GRIP2: variants seen among roughly 807,000 people sequenced by gnomAD.
GRIP2 encodes glutamate receptor interacting protein 2, also known as glutamate receptor-interacting protein 2.
GRIP2 carries 58 observed loss-of-function variants against 108.3 expected under a neutral mutation model. That is an observed-to-expected ratio of 0.54 (90% CI 0.43 to 0.67). The LOEUF (loss-of-function observed/expected upper bound fraction) is 0.67. GRIP2 is among the 30% of genes least tolerant of loss of function. The probability of loss-of-function intolerance (pLI) is 0.00; values close to 1 mark genes in which losing one functional copy is unlikely to be tolerated. For missense variants in GRIP2, 1,278 were observed against 1,430.6 expected (o/e 0.89, Z 1.72); for synonymous variants, 586 against 598.2 (o/e 0.98, Z 0.30).
chr3:14,521,228 G>T lies in GRIP2; in HGVS notation c.712+414C>A. ...TCAGGGCCTTTGCACTTACTCTTCC[G>T]CCCTCCTGGAATGCTGTCCCTGGAC... On this transcript the variant is annotated intron_variant, in intron 7 of 23. Transcript: ENST00000621039. This position sits in a 1 kb window ranked among gnomAD's most constrained non-coding sequence, Gnocchi z 5.1. The T allele has an allele frequency of 6.0e-6, 1 of 166,402 alleles. No homozygotes were observed. Among genetic ancestry groups the T allele is most frequent in the Admixed American group, 6.2e-5 (1 of 16,172 alleles). The allele number at this position is 166,402 out of a possible 1,614,324, so 10.3% of individuals were successfully genotyped here. A position where few individuals can be genotyped will look rare whatever the true frequency, so the allele number is the denominator to read the frequency against.
upstream of GRIP2, among the ~76,000 whole-genome samples, chr3:14,560,332 A>T (rs554528376): frequency 4.3e-4 from 66 of 152,292 alleles, no homozygotes; most frequent in African/African-American, 1.5e-3. Context: ...TTCTCTGCCC[A>T]TGTGCAGTCC....
At chr3:14,569,377 G>A in the GRIP2 span, among the ~76,000 whole-genome samples, 1 of 152,232 alleles carries the variant, frequency 6.6e-6, no homozygotes, top group Non-Finnish European at 1.5e-5. Context: ...GGCCAGGAGA[G>A]AGGGCACATT....
Position 14,521,866 on chromosome 3 carries a change from G to A in GRIP2, c.567-79C>T. On this transcript the variant is annotated intron_variant, in intron 6 of 23. Transcript: ENST00000621039. The surrounding 1 kb of genome is among the most constrained non-coding windows in gnomAD (Gnocchi z 5.1). ...CTGTCTGGGAGGGCGCTGGGAAGCG[G>A]GACATGGAGGATGAAGAAGCAGGGA... The A allele has an allele frequency of 7.4e-7, 1 of 1,354,312 alleles. No individual in the cohort carries two copies. The highest frequency in any genetic ancestry group is 1.5e-5 in the South Asian group (1 of 64,664). The allele number at this position is 1,354,312 out of a possible 1,614,324, so 83.9% of individuals were successfully genotyped here.
chr3:14,573,751 C>T, the GRIP2 span: 1 of 1,511,228 alleles, frequency 6.6e-7, no homozygotes, highest in Non-Finnish European at 9.2e-7. Context: ...GAGGGCTCAT[C>T]ATATACCCTG....
intron 1 of GRIP2, among the ~76,000 whole-genome samples, chr3:14,532,178 C>A (rs1694724884): frequency 6.6e-6 from 1 of 152,220 alleles, no homozygotes; most frequent in Admixed American, 6.5e-5. Context: ...CAGCGGCCCA[C>A]GCGCCCTCCC....
At chr3:14,572,899 A>C in the GRIP2 span, 6 of 1,269,852 alleles carry the variant, frequency 4.7e-6, no homozygotes, top group South Asian at 5.9e-5. Context: ...TTATCAGTGA[A>C]GGGGATGCAG....
intron 21 of GRIP2, 49 bp from the exon 22 acceptor site, chr3:14,496,609 C>A: frequency 6.4e-7 from 1 of 1,564,006 alleles, no homozygotes; most frequent in South Asian, 1.2e-5. Flanking sequence ...CTTGCCCCAT[C>A]AGGCAGTCAG....
At chr3:14,571,842 C>T in the GRIP2 span, among the ~76,000 whole-genome samples, 1 of 152,018 alleles carries the variant, frequency 6.6e-6, no homozygotes, top group African/African-American at 2.4e-5. Flanking sequence ...GTTGAGAATC[C>T]CCTGGGAAGC....
chr3:14,523,711 G>A lies in GRIP2; in HGVS notation c.404-13C>T, dbSNP rs1260289216. On this transcript the variant is annotated splice_polypyrimidine_tract_variant and intron_variant, in intron 4 of 23. Transcript: ENST00000621039. ...TTATTCTCAGGAGCTGGGGAGAAAT[G>A]GAGGACTCCTTTGAGTCCCTCAGTC... 3 of 1,589,444 alleles carry A rather than the reference G, an allele frequency of 1.9e-6. No homozygotes were observed. The African/African-American group carries it at 4.0e-5, about 21-fold the overall frequency.
At chr3:14,576,480 G>A in the GRIP2 span, among the ~76,000 whole-genome samples, 2 of 152,250 alleles carry the variant, frequency 1.3e-5, no homozygotes, top group Admixed American at 6.5e-5. Context: ...CAGTGAGCAA[G>A]GAGGGCGGGG....
At chr3:14,537,613 G>A (rs928307947) in intron 1 of GRIP2, among the ~76,000 whole-genome samples, 6 of 152,260 alleles carry the variant, frequency 3.9e-5, no homozygotes, top group African/African-American at 1.4e-4. Context: ...ACTAGGAAGA[G>A]ACAGAGCCAG....
the GRIP2 span, among the ~76,000 whole-genome samples, chr3:14,571,218 G>C: frequency 1.3e-5 from 2 of 152,300 alleles, no homozygotes; most frequent in African/African-American, 4.8e-5. Flanking sequence ...GTGTGTCTGT[G>C]TGTGCCTGGG....
chr3:14,589,530 C>T, the GRIP2 span, among the ~76,000 whole-genome samples: 3 of 152,110 alleles, frequency 2.0e-5, no homozygotes, highest in African/African-American at 7.2e-5. Context: ...CCCCTATAGA[C>T]AGTTGGTTTA....
At chr3:14,575,809 G>A in the GRIP2 span, among the ~76,000 whole-genome samples, 1 of 152,376 alleles carries the variant, frequency 6.6e-6, no homozygotes, top group South Asian at 2.1e-4. Context: ...GAGCTTGAGG[G>A]GCGGGCTGGC....
At position 14,525,874 on chromosome 3, in the gene GRIP2, G is replaced by A. The variant is rs753399269; in HGVS notation, c.98C>T (p.Ala33Val). ...KDAGGADVSL[A>V]CRRQSIPEEF... Reference sequence around the variant, plus strand: ...ACCTGGAATGCTCTGTCTGCGGCACGCCAGGGAAACGTCGGCCCCTCCTGC... The same window carrying A: ...ACCTGGAATGCTCTGTCTGCGGCACACCAGGGAAACGTCGGCCCCTCCTGC... Residue 33 changes from alanine to valine, a missense_variant, in exon 2 of 24, where the codon GCG becomes GTG. Ala to Val is a moderately conservative substitution (Grantham distance 64). Coordinates refer to ENST00000621039, the MANE Select transcript of GRIP2 (RefSeq NM_001080423.4). 22 of 1,560,072 alleles carry A rather than the reference G, an allele frequency of 1.4e-5. No individual in the cohort carries two copies. The highest frequency in any genetic ancestry group is 2.7e-5 in the African/African-American group (2 of 73,366).
At chr3:14,561,441 G>A in the GRIP2 span, among the ~76,000 whole-genome samples, 3 of 151,702 alleles carry the variant, frequency 2.0e-5, no homozygotes. Flanking sequence ...GGCCCAGAGA[G>A]GTTCCCCCTG....
chr3:14,555,681 G>C (rs981193200), intron 1 of GRIP2, among the ~76,000 whole-genome samples: 1 of 152,114 alleles, frequency 6.6e-6, no homozygotes, highest in African/African-American at 2.4e-5. Flanking sequence ...CAGAGACAGA[G>C]AGATGGAGGA....
Position 14,507,411 on chromosome 3 carries a change from T to C in GRIP2, c.2218+150A>G. The C allele has an allele frequency of 1.0e-6, 1 of 971,888 alleles. No individual in the cohort carries two copies. Among genetic ancestry groups the C allele is most frequent in the South Asian group, 1.7e-5 (1 of 60,126 alleles). The allele number at this position is 971,888 out of a possible 1,614,324, so 60.2% of individuals were successfully genotyped here. On this transcript the variant is annotated intron_variant, in intron 18 of 23. Coordinates refer to ENST00000621039, the MANE Select transcript of GRIP2 (RefSeq NM_001080423.4). The surrounding 1 kb of genome is among the most constrained non-coding windows in gnomAD (Gnocchi z 4.6). ...TGTGGCCCTGGGCTCATCACTTCCC[T>C]CTCTGAGTCTTATCTTCTTTGCCAT...
upstream of GRIP2, among the ~76,000 whole-genome samples, chr3:14,556,586 A>G (rs1695240082): frequency 6.6e-6 from 1 of 152,234 alleles, no homozygotes; most frequent in Non-Finnish European, 1.5e-5. Flanking sequence ...TGATAGGGCC[A>G]CCAGAGTAGA....
Sources: gnomAD v4.1 joint callset for allele counts (sites outside exome capture counted in the v4.1 genomes callset) on GRCh38, gnomAD v4.1.1 for gene constraint, Gnocchi (gnomAD v3.1) non-coding constraint, MANE v1.5 for transcripts, NCBI Gene and HGNC (gene_info 2026-07-23, HGNC 2026-07-21) for gene names.